KCNAB1: variants seen among roughly 807,000 people sequenced by gnomAD.
KCNAB1 encodes the protein voltage-gated potassium channel subunit beta-1.
In KCNAB1, 35 loss-of-function variants were observed where a neutral mutation model predicts 64.6. That is an observed-to-expected ratio of 0.54 (90% CI 0.41 to 0.72). The LOEUF (loss-of-function observed/expected upper bound fraction) is 0.72, where lower values mean the gene tolerates loss of function less well. Ranked by LOEUF, KCNAB1 falls within the 30% of genes least tolerant of loss-of-function variation. The pLI is 0.00. For missense variants in KCNAB1, 401 were observed against 512.9 expected, an observed-to-expected ratio of 0.78 and a Z score of 2.11; for synonymous variants, 177 against 183.8, an observed-to-expected ratio of 0.96 and a Z score of 0.30.
At chr3:156,297,058 T>C (rs1034692029) in intron 1 of KCNAB1, among the ~76,000 whole-genome samples, 1 of 152,148 alleles carries the variant, frequency 6.6e-6, no homozygotes, top group Non-Finnish European at 1.5e-5. Flanking sequence ...ATCACATGTA[T>C]AGATTTGTGT....
intron 1 of KCNAB1, among the ~76,000 whole-genome samples, chr3:156,151,561 C>G (rs1715412800): frequency 6.6e-6 from 1 of 152,162 alleles, no homozygotes. Context: ...TATTCCTTAA[C>G]ATATTGTTAA....
At chr3:156,444,563 C>G (rs142127622) in intron 2 of KCNAB1, among the ~76,000 whole-genome samples, 1 of 152,290 alleles carries the variant, frequency 6.6e-6, no homozygotes, top group East Asian at 1.9e-4. Flanking sequence ...CTCCTGATGT[C>G]CCCTTACTTA....
intron 8 of KCNAB1, among the ~76,000 whole-genome samples, chr3:156,494,790 A>G (rs544211396): frequency 2.6e-5 from 4 of 152,266 alleles, no homozygotes; most frequent in South Asian, 4.1e-4. Flanking sequence ...CATTCCTTCA[A>G]TGTAACCTGT....
At chr3:156,177,672 C>T (rs1052343120) in intron 1 of KCNAB1, among the ~76,000 whole-genome samples, 2 of 151,660 alleles carry the variant, frequency 1.3e-5, no homozygotes, top group Admixed American at 6.6e-5. Context: ...CCACTGCGCC[C>T]GGCCGTTTTT....
At chr3:156,322,366 C>A (rs28379919) in intron 1 of KCNAB1, among the ~76,000 whole-genome samples, 1,983 of 152,288 alleles carry the variant, frequency 0.013, 43 homozygotes, top group African/African-American at 0.045. Flanking sequence ...AGGGATTCAA[C>A]AAACTGCAGT....
chr3:156,441,658 CTG>C (rs1302105933), intron 2 of KCNAB1, among the ~76,000 whole-genome samples: 4 of 152,102 alleles, frequency 2.6e-5, no homozygotes, highest in Non-Finnish European at 5.9e-5. Flanking sequence ...TATTCTAACA[CTG>C]TGTTTTTTAT....
At chr3:156,164,978 T>G (rs1008741872) in intron 1 of KCNAB1, among the ~76,000 whole-genome samples, 1 of 152,136 alleles carries the variant, frequency 6.6e-6, no homozygotes, top group African/African-American at 2.4e-5. Flanking sequence ...TGAAAGAAGA[T>G]CCTAATGAAA....
chr3:156,213,984 G>C (rs559541221), intron 1 of KCNAB1, among the ~76,000 whole-genome samples: 1 of 152,074 alleles, frequency 6.6e-6, no homozygotes, highest in Admixed American at 6.6e-5. Flanking sequence ...TCTTGCCTAC[G>C]TGATGAAGCC....
intron 1 of KCNAB1, among the ~76,000 whole-genome samples, chr3:156,122,414 A>C (rs1713404408): frequency 6.6e-6 from 1 of 152,252 alleles, no homozygotes; most frequent in Admixed American, 6.5e-5. Context: ...ACAAGACCAC[A>C]GAATTCTTCA....
intron 1 of KCNAB1, among the ~76,000 whole-genome samples, chr3:156,315,678 A>G (rs966892238): frequency 6.6e-6 from 1 of 152,176 alleles, no homozygotes; most frequent in African/African-American, 2.4e-5. Context: ...TTTAAGAAAA[A>G]CGTTTCTCAT....
At chr3:156,195,571 T>C (rs763739234) in intron 1 of KCNAB1, among the ~76,000 whole-genome samples, 2 of 152,248 alleles carry the variant, frequency 1.3e-5, no homozygotes, top group Non-Finnish European at 2.9e-5. Flanking sequence ...GTTTGTTGGC[T>C]GCATAAATGT....
intron 1 of KCNAB1, among the ~76,000 whole-genome samples, chr3:156,341,685 T>A (rs1396454358): frequency 6.6e-6 from 1 of 152,202 alleles, no homozygotes; most frequent in Non-Finnish European, 1.5e-5. Context: ...CCAGTGGTTC[T>A]CAAATACTTT....
intron 11 of KCNAB1, among the ~76,000 whole-genome samples, chr3:156,522,647 A>C (rs4680274): frequency 0.55 from 83,903 of 152,060 alleles, 23,629 homozygotes; most frequent in Admixed American, 0.66. Flanking sequence ...AACTCAAAAA[A>C]ATCACAATAA....
intron 1 of KCNAB1, among the ~76,000 whole-genome samples, chr3:156,385,808 T>C (rs188800350): frequency 2.0e-5 from 3 of 152,360 alleles, no homozygotes; most frequent in Non-Finnish European, 4.4e-5. Flanking sequence ...ATCTATAAAT[T>C]AAAGTGAGCA....
chr3:156,157,126 G>A (rs2108302764), intron 1 of KCNAB1, among the ~76,000 whole-genome samples: 1 of 152,288 alleles, frequency 6.6e-6, no homozygotes, highest in South Asian at 2.1e-4. Context: ...AGAGACCATT[G>A]GATGTAGGAA....
chr3:156,170,617 G>A (rs1288425959), intron 1 of KCNAB1, among the ~76,000 whole-genome samples: 4 of 152,136 alleles, frequency 2.6e-5, no homozygotes, highest in Non-Finnish European at 4.4e-5. Context: ...GCATGGTTCA[G>A]CCTGGTTCTA....
chr3:156,316,629 A>G (rs1722294616), intron 1 of KCNAB1, among the ~76,000 whole-genome samples: 2 of 152,250 alleles, frequency 1.3e-5, no homozygotes, highest in East Asian at 3.8e-4. Flanking sequence ...CATCCTGTGG[A>G]TAGCAAAGCA....
intron 1 of KCNAB1, among the ~76,000 whole-genome samples, chr3:156,391,079 G>A (rs1713006736): frequency 6.6e-6 from 1 of 152,056 alleles, no homozygotes; most frequent in African/African-American, 2.4e-5. Flanking sequence ...TCCAGGGGAG[G>A]GGTATTTAAG....
chr3:156,176,573 A>G, intron 1 of KCNAB1: 1 of 828,788 alleles, frequency 1.2e-6, no homozygotes, highest in East Asian at 2.4e-5. Flanking sequence ...CAGTTCCATC[A>G]CTGCTCCACT....
Sources: allele counts gnomAD v4.1 joint callset (sites outside exome capture counted in the v4.1 genomes callset), GRCh38; gene constraint gnomAD v4.1.1; transcripts MANE v1.5; gene names NCBI Gene and HGNC (gene_info 2026-07-23, HGNC 2026-07-21).